Variants in PCDHA11 observed in about 807,000 individuals in gnomAD.
The protein encoded by PCDHA11 is protocadherin alpha-11.
In PCDHA11, 61 loss-of-function variants were observed where a neutral mutation model predicts 70.3. That is an observed-to-expected ratio of 0.87 (90% CI 0.71 to 1.07). The LOEUF is 1.07. PCDHA11 is among the 50% of genes least tolerant of loss of function. The probability of loss-of-function intolerance (pLI) is 0.00; values close to 1 mark genes in which losing one functional copy is unlikely to be tolerated. For synonymous variants in PCDHA11, 633 were observed against 555.1 expected, an observed-to-expected ratio of 1.14 and a Z score of -1.97; for missense variants, 1,324 against 1,237.5, an observed-to-expected ratio of 1.07 and a Z score of -1.05.
intron 1 of PCDHA11, among the ~76,000 whole-genome samples, chr5:140,956,211 T>C (rs908749043): frequency 6.6e-6 from 1 of 152,198 alleles, no homozygotes; most frequent in African/African-American, 2.4e-5. Context: ...AAAGAGGGCA[T>C]CCTTGTCTTG....
intron 1 of PCDHA11, among the ~76,000 whole-genome samples, chr5:140,880,789 A>G (rs917582554): frequency 1.3e-5 from 2 of 152,230 alleles, no homozygotes; most frequent in African/African-American, 4.8e-5. Flanking sequence ...TAGAGGAGTA[A>G]TATAAATAGG....
intron 1 of PCDHA11, chr5:140,967,921 C>T (rs781932025): frequency 6.2e-6 from 10 of 1,614,172 alleles, no homozygotes; most frequent in South Asian, 4.4e-5. Flanking sequence ...CCATTGTGGC[C>T]GTTCTCAGTG....
chr5:140,918,633 A>G (rs2078785997), intron 1 of PCDHA11, among the ~76,000 whole-genome samples: 1 of 152,242 alleles, frequency 6.6e-6, no homozygotes, highest in Non-Finnish European at 1.5e-5. Flanking sequence ...CCCCAAATTC[A>G]TAAATTGAAA....
rs369162861 is a variant in PCDHA11 at position 140,870,379 on chromosome 5, G to T, written c.1276G>T (p.Ala426Ser). ...GTGGGCCTATGAACTGGTGGTGACT[G>T]CGCGGGATGGGGGTTCGCCTTCTCT... ...NVWAYELVVT[A>S]RDGGSPSLWA... The change falls in exon 1 of 4, where the codon GCG becomes TCG. Residue 426 changes from alanine (A) to serine (S), a missense_variant. Coordinates refer to ENST00000398640, the MANE Select transcript of PCDHA11 (RefSeq NM_018902.5). The T allele has an allele frequency of 8.1e-6, 13 of 1,614,100 alleles. No homozygotes were observed. In the African/African-American group the frequency reaches 1.7e-4, roughly 22 times the overall value.
intron 1 of PCDHA11, chr5:140,929,229 C>T: frequency 6.2e-7 from 1 of 1,613,880 alleles, no homozygotes; most frequent in South Asian, 1.1e-5. Context: ...ATGCTGCCGA[C>T]CTGCGAAATC....
At chr5:140,993,431 C>T (rs1171497178) in intron 3 of PCDHA11, among the ~76,000 whole-genome samples, 1 of 149,406 alleles carries the variant, frequency 6.7e-6, no homozygotes, top group African/African-American at 2.5e-5. Context: ...TTTTAAAATC[C>T]TTATTCATTC....
At chr5:140,902,176 C>T (rs1488205989) in intron 1 of PCDHA11, among the ~76,000 whole-genome samples, 1 of 146,420 alleles carries the variant, frequency 6.8e-6, no homozygotes, top group Non-Finnish European at 1.5e-5. Context: ...TTTGGATGTC[C>T]TTTATGTCTT....
At position 140,870,549 on chromosome 5, in the gene PCDHA11, C is replaced by T; in HGVS notation, c.1446C>T (p.Asp482=). ...HIFTVSARDA[D]AQENALVSYS... ...TCACAGTGTCGGCGCGGGACGCGGA[C>T]GCGCAGGAGAACGCGCTGGTGTCCT... is the stretch of plus-strand genomic sequence containing the variant. Residue 482 remains aspartate, a synonymous_variant, in exon 1 of 4, where the codon GAC becomes GAT. Coordinates refer to ENST00000398640, the MANE Select transcript of PCDHA11 (RefSeq NM_018902.5). 4 of 1,614,062 alleles carry T rather than the reference C, an allele frequency of 2.5e-6. No homozygotes were observed. Among genetic ancestry groups the T allele is most frequent in the Non-Finnish European group, 3.4e-6 (4 of 1,180,020 alleles).
intron 1 of PCDHA11, among the ~76,000 whole-genome samples, chr5:140,916,821 C>T (rs2077744344): frequency 6.6e-6 from 1 of 152,170 alleles, no homozygotes; most frequent in African/African-American, 2.4e-5. Flanking sequence ...TGTGCCACCC[C>T]TATCCCTCTG....
intron 3 of PCDHA11, among the ~76,000 whole-genome samples, chr5:141,008,680 T>C (rs2098386787): frequency 6.6e-6 from 1 of 152,220 alleles, no homozygotes; most frequent in Non-Finnish European, 1.5e-5. Flanking sequence ...ATACTTTAGT[T>C]ATTGCATGTA....
intron 2 of PCDHA11, among the ~76,000 whole-genome samples, chr5:140,979,370 G>A (rs1247964519): frequency 6.6e-6 from 1 of 150,650 alleles, no homozygotes; most frequent in Non-Finnish European, 1.5e-5. Context: ...TGAGACTTGG[G>A]TACATTGTGC....
chr5:140,870,259 T>G lies in PCDHA11; in HGVS notation c.1156T>G (p.Cys386Gly). 1 of 1,614,190 alleles carries G rather than the reference T, an allele frequency of 6.2e-7. No individual in the cohort carries two copies. Among genetic ancestry groups the G allele is most frequent in the African/African-American group, 1.3e-5 (1 of 75,060 alleles). Residue 386 changes from cysteine to glycine, a missense_variant, in exon 1 of 4, where the codon TGC (cysteine) becomes GGC (glycine). Coordinates refer to ENST00000398640, the MANE Select transcript of PCDHA11 (RefSeq NM_018902.5). The part of the protein sequence containing the change: ...RDSGVNGQVT[C>G]SLTPHVPFKL... ...CTCAGGTGTCAACGGACAGGTGACC[T>G]GCTCGCTGACGCCCCACGTTCCCTT...
At chr5:140,935,796 G>A (rs2090564598) in intron 1 of PCDHA11, among the ~76,000 whole-genome samples, 2 of 150,224 alleles carry the variant, frequency 1.3e-5, no homozygotes, top group African/African-American at 2.5e-5. Flanking sequence ...AAATATAAAC[G>A]AGATTATTTC....
At chr5:140,940,705 C>T (rs2092669255) in intron 1 of PCDHA11, among the ~76,000 whole-genome samples, 1 of 152,170 alleles carries the variant, frequency 6.6e-6, no homozygotes, top group Non-Finnish European at 1.5e-5. Context: ...AAGTGTATAC[C>T]TGCTGTGTGC....
chr5:140,991,642 A>T (rs2097463636), intron 3 of PCDHA11, among the ~76,000 whole-genome samples: 2 of 152,160 alleles, frequency 1.3e-5, no homozygotes, highest in South Asian at 4.1e-4. Flanking sequence ...CAATCTGTTC[A>T]TGACAATTTA....
intron 1 of PCDHA11, among the ~76,000 whole-genome samples, chr5:140,953,706 G>A (rs1464812227): frequency 1.3e-5 from 2 of 152,144 alleles, no homozygotes; most frequent in Non-Finnish European, 1.5e-5. Context: ...ACTAGACTGA[G>A]CTTCAGACAT....
At chr5:140,877,736 G>A (rs979836328) in intron 1 of PCDHA11, 22 of 1,614,170 alleles carry the variant, frequency 1.4e-5, no homozygotes, top group East Asian at 2.2e-5. Flanking sequence ...CAGCAGAGGA[G>A]GCAGAGGGTG....
chr5:140,988,062 A>G (rs1032842011), intron 3 of PCDHA11, among the ~76,000 whole-genome samples: 1 of 152,114 alleles, frequency 6.6e-6, no homozygotes, highest in Non-Finnish European at 1.5e-5. Context: ...GTCAACATGA[A>G]TTTTTCTATT....
chr5:140,896,256 C>T (rs1335099704), intron 1 of PCDHA11, among the ~76,000 whole-genome samples: 3 of 152,192 alleles, frequency 2.0e-5, no homozygotes, highest in Non-Finnish European at 4.4e-5. Flanking sequence ...TGGTTATGTA[C>T]ACAGTTATGG....
Sources: allele counts gnomAD v4.1 joint callset (sites outside exome capture counted in the v4.1 genomes callset), GRCh38; gene constraint gnomAD v4.1.1; transcripts MANE v1.5; gene names NCBI Gene and HGNC (gene_info 2026-07-23, HGNC 2026-07-21).